UGGT1: variants seen among roughly 807,000 people sequenced by gnomAD.
UGGT1 encodes the protein UDP-glucose:glycoprotein glucosyltransferase 1.
In UGGT1, 107 loss-of-function variants were observed where a neutral mutation model predicts 203.9. That is an observed-to-expected ratio of 0.52 (90% CI 0.45 to 0.62). The LOEUF (loss-of-function observed/expected upper bound fraction) is 0.62. Ranked by LOEUF, UGGT1 falls within the 20% of genes least tolerant of loss-of-function variation. The pLI is 0.00. For synonymous variants in UGGT1, 628 were observed against 653.5 expected, an observed-to-expected ratio of 0.96 and a Z score of 0.59; for missense variants, 1,673 against 1,867.2, an observed-to-expected ratio of 0.90 and a Z score of 1.92.
At chr2:128,152,656 T>A in intron 18 of UGGT1, 128 bp from the exon 19 acceptor site, 2 of 1,291,902 alleles carry the variant, frequency 1.5e-6, no homozygotes, top group South Asian at 3.1e-5. Flanking sequence ...CATAGTAACT[T>A]CTGTCTTAAC....
intron 35 of UGGT1, 32 bp from the exon 36 acceptor site, chr2:128,180,858 T>C (rs1204159526): frequency 6.3e-7 from 1 of 1,591,886 alleles, no homozygotes; most frequent in Non-Finnish European, 8.6e-7. Flanking sequence ...TCAGAAGAAA[T>C]GATTATTTGT....
chr2:128,097,657 C>A, intron 2 of UGGT1, 93 bp downstream of exon 2: 1 of 1,463,150 alleles, frequency 6.8e-7, no homozygotes, highest in Non-Finnish European at 9.3e-7. Flanking sequence ...GTGAGATTAT[C>A]ATCAAATGCA....
In UGGT1 at chr2:128,190,377, G is replaced by A. The variant is rs568752248; in HGVS notation, c.*635G>A. 6.6e-6 allele frequency: 1 copy of A among 152,368 alleles called. No individual in the cohort carries two copies. Among genetic ancestry groups the A allele is most frequent in the East Asian group, 1.9e-4 (1 of 5,172 alleles). 9.4% of individuals were successfully genotyped at this position (152,368 alleles called of 1,614,324 possible). ...CCAGGATGGGGGTGGGTTGCAGTGA[G>A]GGTAGGGAAAATGTCAGGAGTAGGA... On this transcript the variant is annotated 3_prime_UTR_variant, in exon 41 of 41. Transcript: ENST00000259253.
Position 128,152,812 on chromosome 2 carries a change from T to C in UGGT1, c.2045T>C (p.Val682Ala). Residue 682 changes from valine (V) to alanine (A), a missense_variant, in exon 19 of 41, where the codon GTA becomes GCA. Around this residue, in one of 4 missense-constraint regions of UGGT1, gnomAD observed 1,073 missense variants for 1,078.7 expected, o/e 0.99. Transcript: ENST00000259253. ...LGELPHDQDV[V>A]EYIMNQPNVV... is the part of the protein sequence containing the mutation. Reference sequence around the variant, plus strand: ...GAACTGCCCCATGATCAAGATGTGGTAGAGTATATCATGAATCAGCCAAAT... The same window carrying C: ...GAACTGCCCCATGATCAAGATGTGGCAGAGTATATCATGAATCAGCCAAAT... 6.2e-7 allele frequency: 1 copy of C among 1,613,646 alleles called. No individual in the cohort carries two copies. Among genetic ancestry groups the C allele is most frequent in the Non-Finnish European group, 8.5e-7 (1 of 1,179,880 alleles).
chr2:128,128,152 T>C (rs1688690913), intron 12 of UGGT1, among the ~76,000 whole-genome samples: 1 of 152,182 alleles, frequency 6.6e-6, no homozygotes, highest in Non-Finnish European at 1.5e-5. Context: ...GAATATCCAC[T>C]TTTTGGTAAA....
intron 21 of UGGT1, 26 bp downstream of exon 21, chr2:128,156,441 A>G (rs1199490904): frequency 6.5e-6 from 10 of 1,549,198 alleles, no homozygotes; most frequent in Non-Finnish European, 8.9e-6. Context: ...AGAATGTTCT[A>G]TTTCTTAATT....
intron 1 of UGGT1, 61 bp from the exon 2 acceptor site, chr2:128,097,368 G>C: frequency 3.2e-6 from 5 of 1,556,102 alleles, no homozygotes; most frequent in Non-Finnish European, 3.5e-6. Context: ...GGGCGAGACT[G>C]CGTCTCAAAA....
intron 11 of UGGT1, among the ~76,000 whole-genome samples, chr2:128,124,338 G>T (rs984118402): frequency 6.6e-6 from 1 of 152,170 alleles, no homozygotes; most frequent in South Asian, 2.1e-4. Context: ...TTGAAACAAG[G>T]CATCGCCTCT....
chr2:128,132,495 C>T (rs1481665935), intron 13 of UGGT1, among the ~76,000 whole-genome samples: 1 of 152,164 alleles, frequency 6.6e-6, no homozygotes, highest in African/African-American at 2.4e-5. Flanking sequence ...TTTCAGTGAG[C>T]CGAGATTGCT....
chr2:128,120,806 T>C (rs2105389937), intron 9 of UGGT1, among the ~76,000 whole-genome samples: 1 of 152,324 alleles, frequency 6.6e-6, no homozygotes, highest in Middle Eastern at 3.4e-3. Flanking sequence ...GCAGGATGTA[T>C]GTGTTTTTCT....
intron 15 of UGGT1, among the ~76,000 whole-genome samples, chr2:128,136,747 G>T (rs779018197): frequency 1.3e-5 from 2 of 152,194 alleles, no homozygotes; most frequent in African/African-American, 4.8e-5. Flanking sequence ...TTGCTGCATC[G>T]TGTGTTAATA....
At position 128,134,933 on chromosome 2, in the gene UGGT1, A is replaced by G. The variant is rs747260005; in HGVS notation, c.1555A>G (p.Met519Val). The change falls in exon 15 of 41, where the codon ATG becomes GTG. Residue 519 changes from methionine (M) to valine (V), a missense_variant. Around this residue, in one of 4 missense-constraint regions of UGGT1, gnomAD observed 1,073 missense variants for 1,078.7 expected, o/e 0.99. Coordinates refer to ENST00000259253, the MANE Select transcript of UGGT1 (RefSeq NM_020120.4). ...AGCAGAGTTGATGAACACAGCTGAG[A>G]TGTTCCTTAGTAATCATATACCACT... is the stretch of plus-strand genomic sequence containing the variant. ...TTAELMNTAE[M>V]FLSNHIPLRI... The G allele has an allele frequency of 1.2e-6, 2 of 1,613,814 alleles. No individual in the cohort carries two copies. The highest frequency in any genetic ancestry group is 1.7e-6 in the Non-Finnish European group (2 of 1,179,938).
intron 25 of UGGT1, among the ~76,000 whole-genome samples, chr2:128,163,884 A>T (rs1198463158): frequency 1.3e-4 from 19 of 151,246 alleles, no homozygotes; most frequent in Admixed American, 1.2e-3. Flanking sequence ...GCAGTCATAA[A>T]TATATTGAAA....
intron 31 of UGGT1, among the ~76,000 whole-genome samples, chr2:128,175,427 C>T (rs1691323357): frequency 6.6e-6 from 1 of 151,760 alleles, no homozygotes; most frequent in Non-Finnish European, 1.5e-5. Flanking sequence ...GATATAAATT[C>T]TGCTTAACAC....
intron 28 of UGGT1, among the ~76,000 whole-genome samples, chr2:128,171,800 C>A (rs1691120687): frequency 6.6e-6 from 1 of 152,148 alleles, no homozygotes; most frequent in Non-Finnish European, 1.5e-5. Flanking sequence ...AGCTACCACG[C>A]CTGGCCCCAT....
At chr2:128,176,922 A>G (rs1366947707) in intron 32 of UGGT1, 24 bp downstream of exon 32, 2 of 1,595,738 alleles carry the variant, frequency 1.3e-6, no homozygotes, top group Admixed American at 1.7e-5. Context: ...AAGTAGTGGC[A>G]TTCTGTTATT....
intron 31 of UGGT1, among the ~76,000 whole-genome samples, chr2:128,176,454 A>G (rs1043235392): frequency 2.0e-5 from 3 of 151,478 alleles, no homozygotes; most frequent in Non-Finnish European, 4.4e-5. Context: ...TGTGGTTCCA[A>G]TAATGGTTCA....
intron 4 of UGGT1, 30 bp from the exon 5 acceptor site, chr2:128,109,603 TA>T (rs1687759420): frequency 6.4e-7 from 1 of 1,550,700 alleles, no homozygotes; most frequent in African/African-American, 1.4e-5. Flanking sequence ...GTTAGAAATT[TA>T]AAAAGTATGT....
intron 12 of UGGT1, among the ~76,000 whole-genome samples, chr2:128,128,099 GTC>G (rs1343767510): frequency 4.6e-5 from 7 of 151,864 alleles, no homozygotes; most frequent in African/African-American, 1.5e-4. Flanking sequence ...AAAAAAAACT[GTC>G]TCTTGTGTCT....
Sources: gnomAD v4.1 joint callset for allele counts (sites outside exome capture counted in the v4.1 genomes callset) on GRCh38, gnomAD v4.1.1 for gene constraint, gnomAD v4.1.1 regional missense constraint, MANE v1.5 for transcripts, NCBI Gene and HGNC (gene_info 2026-07-23, HGNC 2026-07-21) for gene names.